SUB1: variants seen among roughly 807,000 people sequenced by gnomAD.
SUB1 encodes SUB1 regulator of transcription, also known as activated RNA polymerase II transcriptional coactivator p15.
A neutral mutation model predicts 16.9 loss-of-function variants in SUB1; 1 was observed. That is an observed-to-expected ratio of 0.06 (90% CI 0.02 to 0.28). The LOEUF (loss-of-function observed/expected upper bound fraction) is 0.28. Among genes scored for constraint, SUB1 ranks in the 10% least tolerant of loss-of-function variants. The pLI, the probability that SUB1 is intolerant of heterozygous loss-of-function variation, is 1.00. For synonymous variants in SUB1, 51 were observed against 46.9 expected, an observed-to-expected ratio of 1.09 and a Z score of -0.36; for missense variants, 84 against 145.2, an observed-to-expected ratio of 0.58 and a Z score of 2.16.
In SUB1 at chr5:32,601,246, T is replaced by C; in HGVS notation, c.*162T>C. Reference sequence around the variant, plus strand: ...TTTTTAATGTGCATTATTAAAAATATTGAGTGAAGCTAATTGTCAACTTTA... The same window carrying C: ...TTTTTAATGTGCATTATTAAAAATACTGAGTGAAGCTAATTGTCAACTTTA... On this transcript the variant is annotated 3_prime_UTR_variant, in exon 5 of 5. Coordinates refer to ENST00000265073, the MANE Select transcript of SUB1 (RefSeq NM_006713.4). 8.4e-6 allele frequency: 5 copies of C among 595,858 alleles called. No homozygotes were observed. The highest frequency in any genetic ancestry group is 1.2e-5 in the Non-Finnish European group (4 of 340,092). The allele number at this position is 595,858 out of a possible 1,614,324, so 36.9% of individuals were successfully genotyped here.
intron 2 of SUB1, among the ~76,000 whole-genome samples, chr5:32,590,762 A>ATTTTTTTT (rs70961652): frequency 0.017 from 585 of 33,932 alleles, 184 homozygotes; most frequent in East Asian, 0.048. Context: ...CGCCTGGCTA[A>ATTTTTTTT]TTTTTTTTTT....
intron 2 of SUB1, among the ~76,000 whole-genome samples, chr5:32,590,131 A>G (rs752800163): frequency 3.3e-5 from 5 of 152,350 alleles, no homozygotes; most frequent in Non-Finnish European, 7.3e-5. Context: ...CCTGATTTAT[A>G]GAATAATTGC....
chr5:32,602,186 A>G lies in SUB1; in HGVS notation c.*1102A>G, dbSNP rs1344187443. The G allele has an allele frequency of 2.2e-6, 1 of 454,996 alleles. No individual in the cohort carries two copies. The highest frequency in any genetic ancestry group is 4.4e-6 in the Non-Finnish European group (1 of 226,498). The allele number at this position is 454,996 out of a possible 1,614,324, so 28.2% of individuals were successfully genotyped here. On this transcript the variant is annotated 3_prime_UTR_variant, in exon 5 of 5. Transcript: ENST00000265073. ...TAGTAAGTGGTTTGTATTTAACCATACTGATGAAGCAGACAGATTGAGGCA... is the reference window on the plus strand; with the variant it reads ...TAGTAAGTGGTTTGTATTTAACCATGCTGATGAAGCAGACAGATTGAGGCA...
intron 4 of SUB1, 29 bp from the exon 5 acceptor site, chr5:32,600,976 C>T: frequency 6.3e-7 from 1 of 1,583,874 alleles, no homozygotes; most frequent in Non-Finnish European, 8.7e-7. Context: ...AATAGATTTT[C>T]ACCTTTGAAT....
intron 1 of SUB1, among the ~76,000 whole-genome samples, chr5:32,587,608 G>GT (rs1436503437): frequency 2.0e-5 from 3 of 151,590 alleles, no homozygotes. Context: ...TGTGAATTGT[G>GT]TAAGATTTTT....
At chr5:32,600,055 T>C (rs1306344912) in intron 4 of SUB1, among the ~76,000 whole-genome samples, 2 of 152,266 alleles carry the variant, frequency 1.3e-5, no homozygotes, top group African/African-American at 2.4e-5. Flanking sequence ...TTATTCATGT[T>C]ACTTAATCAT....
chr5:32,592,958 A>C (rs1738867563), intron 3 of SUB1, among the ~76,000 whole-genome samples: 1 of 152,156 alleles, frequency 6.6e-6, no homozygotes, highest in East Asian at 1.9e-4. Context: ...GAAAAGGATG[A>C]GTGTTTCCAG....
chr5:32,592,406 TTGA>T (rs1026673933), intron 3 of SUB1, among the ~76,000 whole-genome samples: 4 of 152,322 alleles, frequency 2.6e-5, no homozygotes, highest in Admixed American at 6.5e-5. Flanking sequence ...TTAGAGGGAC[TTGA>T]TGAAATCACC....
intron 4 of SUB1, among the ~76,000 whole-genome samples, chr5:32,600,629 A>G (rs1470910968): frequency 1.3e-5 from 2 of 148,458 alleles, no homozygotes; most frequent in Non-Finnish European, 3.0e-5. Context: ...TTTTAGATGG[A>G]GTCTTGCTCT....
Position 32,603,844 on chromosome 5 carries a change from C to T in SUB1, c.*2760C>T, listed in dbSNP as rs1200913193. 6.6e-6 allele frequency: 1 copy of T among 151,412 alleles called. No individual in the cohort carries two copies. Among genetic ancestry groups the T allele is most frequent in the Non-Finnish European group, 1.5e-5 (1 of 67,888 alleles). The allele number at this position is 151,412 out of a possible 1,614,324, so 9.4% of individuals were successfully genotyped here. A position where few individuals can be genotyped will look rare whatever the true frequency, so the allele number is the denominator to read the frequency against. On this transcript the variant is annotated 3_prime_UTR_variant, in exon 5 of 5. Transcript: ENST00000265073. ...AAATTTAGGTATCTCTCCTGAAATT[C>T]TTTGCAGTTCATTTTTTATGGCAGT...
intron 3 of SUB1, among the ~76,000 whole-genome samples, chr5:32,593,763 G>A (rs1481214124): frequency 6.6e-6 from 1 of 151,394 alleles, no homozygotes; most frequent in East Asian, 1.9e-4. Context: ...CACGAATCTC[G>A]GCTCACTGCA....
At position 32,601,553 on chromosome 5, in the gene SUB1, T is replaced by C. The variant is rs1173947020; in HGVS notation, c.*469T>C. On this transcript the variant is annotated 3_prime_UTR_variant, in exon 5 of 5. Coordinates refer to ENST00000265073, the MANE Select transcript of SUB1 (RefSeq NM_006713.4). Reference sequence around the variant, plus strand: ...TCCACCCCCAATGGTTTTTCACTCTTTTTATTTACTTCATTTTCCTTTAAT... The same window carrying C: ...TCCACCCCCAATGGTTTTTCACTCTCTTTATTTACTTCATTTTCCTTTAAT... 1 of 153,198 alleles carries C rather than the reference T, an allele frequency of 6.5e-6. No individual in the cohort carries two copies. The highest frequency in any genetic ancestry group is 1.5e-5 in the Non-Finnish European group (1 of 68,792). 9.5% of individuals were successfully genotyped at this position (153,198 alleles called of 1,614,324 possible). A position where few individuals can be genotyped will look rare whatever the true frequency, so the allele number is the denominator to read the frequency against.
intron 2 of SUB1, among the ~76,000 whole-genome samples, chr5:32,589,103 T>A (rs548375183): frequency 4.9e-4 from 75 of 152,272 alleles, no homozygotes; most frequent in African/African-American, 1.7e-3. Context: ...AATTTTTTTT[T>A]TTAAAGACAG....
In SUB1 at chr5:32,588,592, C is replaced by G. The variant is rs1292910939; in HGVS notation, c.72+8C>G. ...AGTGAGGTTGACAAAAAGGTGACTACTGCTGCACCAAGTCATTTTGGTGAT... is the reference window on the plus strand; with the variant it reads ...AGTGAGGTTGACAAAAAGGTGACTAGTGCTGCACCAAGTCATTTTGGTGAT... On this transcript the variant is annotated splice_region_variant and intron_variant, in intron 2 of 4. Transcript: ENST00000265073. 2.5e-6 allele frequency: 4 copies of G among 1,611,256 alleles called. No homozygotes were observed. The Admixed American group carries it at 6.7e-5, about 27-fold the overall frequency.
At position 32,598,949 on chromosome 5, in the gene SUB1, T is replaced by G. The variant is rs1739049266; in HGVS notation, c.196-12T>G. The G allele has an allele frequency of 6.2e-7, 1 of 1,602,954 alleles. No homozygotes were observed. The highest frequency in any genetic ancestry group is 8.5e-7 in the Non-Finnish European group (1 of 1,173,008). ...AAAGGAGCACCTCTTTTTATGTTTG[T>G]TTCTTTTGCAGATTGGGAAAATGAG... On this transcript the variant is annotated splice_polypyrimidine_tract_variant and intron_variant, in intron 3 of 4. Transcript: ENST00000265073.
intron 1 of SUB1, 101 bp from the exon 2 acceptor site, chr5:32,588,411 C>A: frequency 9.8e-7 from 1 of 1,018,160 alleles, no homozygotes; most frequent in Non-Finnish European, 1.4e-6. Flanking sequence ...TAGAATGAAC[C>A]GTGGAACTTG....
chr5:32,588,156 T>G lies in SUB1; in HGVS notation c.-1-356T>G, dbSNP rs182751147. ...AATAGTAGAATTACATTTCTTCTGG[T>G]TTTAATAGTAATTGTTGTCTGCTGC... On this transcript the variant is annotated intron_variant, in intron 1 of 4. Coordinates refer to ENST00000265073, the MANE Select transcript of SUB1 (RefSeq NM_006713.4). Among the ~76,000 whole-genome samples, 151 of 152,266 alleles carry G rather than the reference T, an allele frequency of 9.9e-4. 1 individual carries two copies. Among genetic ancestry groups the G allele is most frequent in the African/African-American group, 3.4e-3 (142 of 41,538 alleles).
intron 2 of SUB1, among the ~76,000 whole-genome samples, chr5:32,589,356 G>T (rs970908914): frequency 6.6e-6 from 1 of 152,092 alleles, no homozygotes; most frequent in South Asian, 2.1e-4. Flanking sequence ...CAAAGTGCTG[G>T]GATTACAGGT....
Position 32,591,632 on chromosome 5 carries a change from G to A in SUB1, c.142G>A (p.Ala48Thr), listed in dbSNP as rs1460049688. ...ACAAAAGACAGGTGAGACTTCGAGA[G>A]CCCTGTCATCTTCTAAACAGAGCAG... Reference protein sequence around the residue: ...KKQKTGETSRALSSSKQSSSS... With the variant: ...KKQKTGETSRTLSSSKQSSSS... The change falls in exon 3 of 5, where the codon GCC (alanine) becomes ACC (threonine). Residue 48 changes from alanine to threonine, a missense_variant. Physicochemically the swap from Ala to Thr is moderately conservative, Grantham distance 58. Around this residue, in one of 2 missense-constraint regions of SUB1, gnomAD observed 60 missense variants for 64.9 expected, o/e 0.92. Coordinates refer to ENST00000265073, the MANE Select transcript of SUB1 (RefSeq NM_006713.4). The A allele has an allele frequency of 6.2e-7, 1 of 1,609,490 alleles. No individual in the cohort carries two copies. The highest frequency in any genetic ancestry group is 2.2e-5 in the East Asian group (1 of 44,752).
Sources: gnomAD v4.1 joint callset for allele counts (sites outside exome capture counted in the v4.1 genomes callset) on GRCh38, gnomAD v4.1.1 for gene constraint, gnomAD v4.1.1 regional missense constraint, MANE v1.5 for transcripts, NCBI Gene and HGNC (gene_info 2026-07-23, HGNC 2026-07-21) for gene names.